Variants in ABCC6 observed in about 807,000 individuals in gnomAD.
The protein encoded by ABCC6 is ATP binding cassette subfamily C member 6.
ABCC6 carries 126 observed loss-of-function variants against 169.5 expected under a neutral mutation model. The ratio of observed to expected loss-of-function variants is 0.74; its 90% CI spans 0.64 to 0.86. The LOEUF (loss-of-function observed/expected upper bound fraction) is 0.86. Among genes scored for constraint, ABCC6 ranks in the 40% least tolerant of loss-of-function variants. The pLI, the probability that ABCC6 is intolerant of heterozygous loss-of-function variation, is 0.00. For missense variants in ABCC6, 1,733 were observed against 1,927.2 expected (o/e 0.90, Z 1.89); for synonymous variants, 752 against 814.7 (o/e 0.92, Z 1.31).
rs72650702 is a variant in ABCC6 at position 16,177,531 on chromosome 16, G to T, written c.2511C>A (p.Tyr837Ter). The T allele has an allele frequency of 1.2e-6, 2 of 1,614,020 alleles. No individual in the cohort carries two copies. The highest frequency in any genetic ancestry group is 3.3e-5 in the Admixed American group (2 of 60,018). ...ANGAIAEMGS[Y>*]QELLQRKGAL... ...CCCCCTTCCTCTGCAGAAGCTCCTG[G>T]TAGGAACCCATCTCTGCGATGGCCC... Residue 837 changes from tyrosine (Y) to a stop codon, truncating the protein, a stop_gained, in exon 19 of 31, where the codon TAC becomes TAA. Transcript: ENST00000205557. LOFTEE classifies it high-confidence loss of function.
Position 16,163,136 on chromosome 16 carries a change from C to T in ABCC6, c.3363G>A (p.Ser1121=), listed in dbSNP as rs145693403. Residue 1121 remains serine (S), a synonymous_variant, in exon 24 of 31, where the codon TCG becomes TCA. Coordinates refer to ENST00000205557, the MANE Select transcript of ABCC6 (RefSeq NM_001171.6). Reference sequence around the variant, plus strand: ...TCTCAGCCATGTGGGAGCAGACAGACGAGTAGCTGGCTGACTCCAAGCGTC... The same window carrying T: ...TCTCAGCCATGTGGGAGCAGACAGATGAGTAGCTGGCTGACTCCAAGCGTC... The part of the protein sequence containing the change: ...QLRRLESASY[S]SVCSHMAETF... The T allele has an allele frequency of 2.9e-5, 47 of 1,613,788 alleles. No individual in the cohort carries two copies. In the African/African-American group the frequency reaches 4.1e-4, roughly 14 times the overall value.
rs561617660 is a variant in ABCC6, at chr16:16,172,686, G to A, written c.2787+598C>T. 2.0e-4 allele frequency among the ~76,000 whole-genome samples: 31 copies of A among 152,242 alleles called. No homozygotes were observed. In the South Asian group the frequency reaches 2.9e-3, roughly 14 times the overall value. ...TTCAGACTCAGATTGGCCTAGATTTGAGTCCCAGGTTGTGTCCCAGGCTAG... is the reference window on the plus strand; with the variant it reads ...TTCAGACTCAGATTGGCCTAGATTTAAGTCCCAGGTTGTGTCCCAGGCTAG... On this transcript the variant is annotated intron_variant, in intron 21 of 30. Coordinates refer to ENST00000205557, the MANE Select transcript of ABCC6 (RefSeq NM_001171.6).
chr16:16,153,733 G>A (rs914240647), intron 29 of ABCC6, among the ~76,000 whole-genome samples: 1 of 151,544 alleles, frequency 6.6e-6, no homozygotes, highest in African/African-American at 2.4e-5. Context: ...GTGAAACCCT[G>A]TCTCTACAAA....
rs28528908 is a variant in ABCC6, at chr16:16,162,562, C to T, written c.3506+431G>A. On this transcript the variant is annotated intron_variant, in intron 24 of 30. Coordinates refer to ENST00000205557, the MANE Select transcript of ABCC6 (RefSeq NM_001171.6). ...AATCCTCATATCCACTCCATGAGCA[C>T]GATCCCAGTTTGACAAATGAGGCTC... Among the ~76,000 whole-genome samples the T allele has an allele frequency of 4.5e-3, 684 of 152,322 alleles. 7 individuals carry two copies. The highest frequency in any genetic ancestry group is 0.015 in the African/African-American group (625 of 41,568).
At chr16:16,160,414 A>T (rs2152220100) in intron 25 of ABCC6, among the ~76,000 whole-genome samples, 1 of 152,162 alleles carries the variant, frequency 6.6e-6, no homozygotes, top group South Asian at 2.1e-4. Flanking sequence ...AAGCAGGAAG[A>T]TTGTTTGAAC....
rs1353199128 is a variant in ABCC6 at position 16,177,464 on chromosome 16, T to C, written c.2578A>G (p.Arg860Gly). Residue 860 changes from arginine to glycine, a missense_variant, in exon 19 of 31, where the codon AGA becomes GGA. This residue lies in a region of ABCC6 where 1,601 missense variants were observed against 1,635.5 expected (regional missense o/e 0.98). Transcript: ENST00000205557. ...GCCCACCTAGTACCTCCTTCTCCTC[T>C]ATCTCCTGGCTGTCTGGCTTGATCC... is the stretch of plus-strand genomic sequence containing the variant. The part of the protein sequence containing the change: ...LLDQARQPGD[R>G]GEGETEPGTS... 2 of 1,614,164 alleles carry C rather than the reference T, an allele frequency of 1.2e-6. No homozygotes were observed. The highest frequency in any genetic ancestry group is 3.3e-5 in the Admixed American group (2 of 60,022).
rs765471208 is a variant in ABCC6, at chr16:16,188,986, G to T, written c.1636-12C>A. 2 of 1,613,522 alleles carry T rather than the reference G, an allele frequency of 1.2e-6. No individual in the cohort carries two copies. Among genetic ancestry groups the T allele is most frequent in the African/African-American group, 1.3e-5 (1 of 74,936 alleles). Reference sequence around the variant, plus strand: ...ACCACCAGTGCGACCTGGGGGGTGGGGGGGACACGTGGGGCAACAGTGAGA... The same window carrying T: ...ACCACCAGTGCGACCTGGGGGGTGGTGGGGACACGTGGGGCAACAGTGAGA... On this transcript the variant is annotated splice_polypyrimidine_tract_variant and intron_variant, in intron 12 of 30. Coordinates refer to ENST00000205557, the MANE Select transcript of ABCC6 (RefSeq NM_001171.6).
chr16:16,201,251 AC>A (rs1398196049), intron 9 of ABCC6, among the ~76,000 whole-genome samples: 1 of 152,184 alleles, frequency 6.6e-6, no homozygotes, highest in East Asian at 1.9e-4. Context: ...ACAGGCGTGC[AC>A]CACTGTGCCC....
At chr16:16,161,668 G>A (rs1331281159) in intron 24 of ABCC6, 104 bp from the exon 25 acceptor site, 1 of 1,514,856 alleles carries the variant, frequency 6.6e-7, no homozygotes, top group African/African-American at 1.4e-5. Flanking sequence ...TACACACAGG[G>A]GTCCCAGCAA....
At chr16:16,198,993 C>CA (rs1555517646) in intron 9 of ABCC6, among the ~76,000 whole-genome samples, 6 of 53,738 alleles carry the variant, frequency 1.1e-4, no homozygotes, top group Non-Finnish European at 2.5e-4. Flanking sequence ...AAATCCATTT[C>CA]GGGGGGGAAA....
Position 16,149,847 on chromosome 16 carries a change from C to A in ABCC6, c.*286G>T. ...AGCCTGGGCATGTGCTTGAGGCCCC[C>A]AGGTGAGTCCAGAGTACAGCGGGGC... On this transcript the variant is annotated 3_prime_UTR_variant, in exon 31 of 31. Transcript: ENST00000205557. 1.9e-6 allele frequency: 1 copy of A among 529,654 alleles called. No homozygotes were observed. The highest frequency in any genetic ancestry group is 2.0e-5 in the South Asian group (1 of 49,072). 32.8% of individuals were successfully genotyped at this position (529,654 alleles called of 1,614,324 possible). A position where few individuals can be genotyped will look rare whatever the true frequency, so the allele number is the denominator to read the frequency against.
chr16:16,215,630 C>T (rs1005974467), intron 4 of ABCC6, among the ~76,000 whole-genome samples: 6 of 151,382 alleles, frequency 4.0e-5, no homozygotes, highest in African/African-American at 1.5e-4. Context: ...TGTGCCACGA[C>T]CCCTGGCTAA....
At position 16,155,038 on chromosome 16, in the gene ABCC6, G is replaced by A. The variant is rs61097521; in HGVS notation, c.3883-7C>T. ...TCCTGCCAACGATGCCCACCTGCCCGGGGTTGGGAGGAAAGGCCTGCTCTG... is the reference window on the plus strand; with the variant it reads ...TCCTGCCAACGATGCCCACCTGCCCAGGGTTGGGAGGAAAGGCCTGCTCTG... On this transcript the variant is annotated splice_polypyrimidine_tract_variant and splice_region_variant and intron_variant, in intron 27 of 30. Transcript: ENST00000205557. The A allele has an allele frequency of 2.5e-4, 394 of 1,550,756 alleles. 3 individuals are homozygous for A. The East Asian group carries it at 6.1e-3, about 24-fold the overall frequency.
chr16:16,162,752 G>C (rs28473661), intron 24 of ABCC6, among the ~76,000 whole-genome samples: 2,097 of 152,256 alleles, frequency 0.014, 49 homozygotes, highest in African/African-American at 0.047. Context: ...GGCAAAAGAG[G>C]TTGATCCAGT....
chr16:16,183,924 G>T (rs1360853724), intron 15 of ABCC6, among the ~76,000 whole-genome samples: 1 of 152,046 alleles, frequency 6.6e-6, no homozygotes, highest in Non-Finnish European at 1.5e-5. Context: ...TCCCAGGCCG[G>T]GCACGGTGGC....
At chr16:16,153,946 T>A (rs2046462807) in intron 29 of ABCC6, among the ~76,000 whole-genome samples, 1 of 151,792 alleles carries the variant, frequency 6.6e-6, no homozygotes, top group Non-Finnish European at 1.5e-5. Context: ...GATAGTAAAT[T>A]TTATGTGTAT....
intron 20 of ABCC6, among the ~76,000 whole-genome samples, chr16:16,174,618 C>G (rs1286457104): frequency 6.6e-6 from 1 of 151,564 alleles, no homozygotes; most frequent in Admixed American, 6.6e-5. Context: ...TTAGCCGGGC[C>G]TGGTCACATG....
intron 13 of ABCC6, 69 bp from the exon 14 acceptor site, chr16:16,187,280 C>T: frequency 3.0e-6 from 4 of 1,317,260 alleles, no homozygotes; most frequent in Non-Finnish European, 4.3e-6. Context: ...GTGTCGGTGT[C>T]TCAAGATGTG....
intron 10 of ABCC6, among the ~76,000 whole-genome samples, chr16:16,196,083 G>A (rs62030313): frequency 0.23 from 34,534 of 151,800 alleles, 4,707 homozygotes; most frequent in South Asian, 0.39. Flanking sequence ...TGTGGTGCAC[G>A]CCTGTAATCC....
Sources: allele counts gnomAD v4.1 joint callset (sites outside exome capture counted in the v4.1 genomes callset), GRCh38; gene constraint gnomAD v4.1.1; regional missense constraint gnomAD v4.1.1; transcripts MANE v1.5; gene names NCBI Gene and HGNC (gene_info 2026-07-23, HGNC 2026-07-21).